The following NIN variants were observed in gnomAD, a reference collection of about 807,000 sequenced individuals.
NIN encodes ninein.
Under a neutral mutation model 257.6 loss-of-function variants are expected in NIN, and 137 were observed. The ratio of observed to expected loss-of-function variants is 0.53; its 90% CI spans 0.46 to 0.61. The LOEUF is 0.61. NIN is among the 20% of genes least tolerant of loss of function. The probability of loss-of-function intolerance (pLI) is 0.00; values close to 1 mark genes in which losing one functional copy is unlikely to be tolerated. For synonymous variants in NIN, 918 were observed against 919.8 expected, an observed-to-expected ratio of 1.00 and a Z score of 0.04; for missense variants, 2,439 against 2,501.2, an observed-to-expected ratio of 0.98 and a Z score of 0.53.
Position 50,740,352 on chromosome 14 carries a change from C to CTT in NIN, c.5449-867_5449-866dup, listed in dbSNP as rs58542931. Among the ~76,000 whole-genome samples the CTT allele has an allele frequency of 8.3e-3, 1,129 of 135,684 alleles. 14 individuals are homozygous for CTT. Among genetic ancestry groups the CTT allele is most frequent in the African/African-American group, 0.023 (851 of 36,368 alleles). 89.0% of individuals were successfully genotyped at this position (135,684 alleles called of 152,430 possible). A position where few individuals can be genotyped will look rare whatever the true frequency, so the allele number is the denominator to read the frequency against. ...TGGGCGCATGTACTACCACAGCTGG[C>CTT]TTTTTTTTTTTTTTGAGACAAAGTC... On this transcript the variant is annotated intron_variant, in intron 25 of 30. Transcript: ENST00000530997.
intron 7 of NIN, 62 bp downstream of exon 7, chr14:50,776,887 A>G: frequency 6.9e-7 from 1 of 1,446,004 alleles, no homozygotes; most frequent in East Asian, 2.3e-5. Flanking sequence ...AGCTGTTCCT[A>G]GCATGTGGTC....
chr14:50,781,303 G>A (rs570922588), intron 5 of NIN, among the ~76,000 whole-genome samples: 1 of 152,100 alleles, frequency 6.6e-6, no homozygotes, highest in Non-Finnish European at 1.5e-5. Flanking sequence ...GAAATGGCAG[G>A]AGAATATGTT....
chr14:50,747,234 G>A (rs2041586648), intron 22 of NIN, among the ~76,000 whole-genome samples: 1 of 152,152 alleles, frequency 6.6e-6, no homozygotes, highest in Non-Finnish European at 1.5e-5. Context: ...TCATGCTCTA[G>A]AACTGATGCC....
intron 28 of NIN, among the ~76,000 whole-genome samples, chr14:50,732,959 T>C (rs569205815): frequency 2.6e-5 from 4 of 151,828 alleles, no homozygotes; most frequent in South Asian, 4.2e-4. Context: ...TCCCAACACT[T>C]TGGGAGGCTG....
intron 4 of NIN, among the ~76,000 whole-genome samples, chr14:50,800,632 C>T (rs2044057054): frequency 6.6e-6 from 1 of 152,100 alleles, no homozygotes; most frequent in Non-Finnish European, 1.5e-5. Flanking sequence ...TGCCTATTAT[C>T]TTAGGTAATC....
chr14:50,754,269 T>A (rs1344030979), intron 20 of NIN, among the ~76,000 whole-genome samples: 1 of 152,222 alleles, frequency 6.6e-6, no homozygotes, highest in Non-Finnish European at 1.5e-5. Context: ...GCACAAGGGC[T>A]ACAGCTAATA....
intron 5 of NIN, among the ~76,000 whole-genome samples, chr14:50,780,872 C>T (rs1202072000): frequency 6.6e-6 from 1 of 152,186 alleles, no homozygotes; most frequent in East Asian, 1.9e-4. Context: ...ATTTCATCAG[C>T]TCACTCAGCC....
At chr14:50,740,352 C>CTTT (rs58542931) in intron 25 of NIN, among the ~76,000 whole-genome samples, 14 of 135,710 alleles carry the variant, frequency 1.0e-4, no homozygotes, top group African/African-American at 3.8e-4. Context: ...CCACAGCTGG[C>CTTT]TTTTTTTTTT....
At position 50,757,853 on chromosome 14, in the gene NIN, C is replaced by T. The variant is rs902548218; in HGVS notation, c.3177G>A (p.Leu1059=). The change falls in exon 18 of 31, where the codon CTG becomes CTA. Residue 1059 remains leucine, a synonymous_variant. Transcript: ENST00000530997. ...ALSLLQQGEQ[L]LEENGDVLLS... ...AGAGGACGTCCCCATTTTCTTCCAA[C>T]AGCTGCTCCCCTTGCTGAAGCAGGG... 6 of 1,614,162 alleles carry T rather than the reference C, an allele frequency of 3.7e-6. No individual in the cohort carries two copies. Among genetic ancestry groups the T allele is most frequent in the Middle Eastern group, 3.3e-4 (2 of 6,060 alleles).
At chr14:50,736,551 A>G (rs2040990498) in intron 27 of NIN, among the ~76,000 whole-genome samples, 1 of 152,234 alleles carries the variant, frequency 6.6e-6, no homozygotes, top group African/African-American at 2.4e-5. Flanking sequence ...TTTTGCTTCT[A>G]TCAAAAAGAG....
At chr14:50,741,763 A>G (rs2041295985) in intron 24 of NIN, 35 bp from the exon 25 acceptor site, 6 of 1,606,948 alleles carry the variant, frequency 3.7e-6, no homozygotes, top group Non-Finnish European at 5.1e-6. Context: ...CTGCTACACA[A>G]ACTCTTGTGG....
At chr14:50,792,015 T>C (rs2142020135) in intron 5 of NIN, 1 of 152,312 alleles carries the variant, frequency 6.6e-6, no homozygotes, top group African/African-American at 2.4e-5. Context: ...GGGATGCTGG[T>C]AAATGAGCCA....
rs1021650459 is a variant in NIN at position 50,794,407 on chromosome 14, C to T, written c.266-1526G>A. 4 of 714,964 alleles carry T rather than the reference C, an allele frequency of 5.6e-6. No individual in the cohort carries two copies. In the African/African-American group the frequency reaches 7.7e-5, roughly 14 times the overall value. The allele number at this position is 714,964 out of a possible 1,614,324, so 44.3% of individuals were successfully genotyped here. A position where few individuals can be genotyped will look rare whatever the true frequency, so the allele number is the denominator to read the frequency against. On this transcript the variant is annotated intron_variant, in intron 4 of 30. Coordinates refer to ENST00000530997, the MANE Select transcript of NIN (RefSeq NM_020921.4). Reference sequence around the variant, plus strand: ...AGTGTTTAAGCATACAAAATTTATACTGAAAATTGCATGCATATTTGAAGG... The same window carrying T: ...AGTGTTTAAGCATACAAAATTTATATTGAAAATTGCATGCATATTTGAAGG...
rs779594382 is a variant in NIN at position 50,729,685 on chromosome 14, G to T, written c.5916C>A (p.Ser1972=). The change falls in exon 29 of 31, where the codon TCC becomes TCA. Residue 1972 remains serine (S), a synonymous_variant. Coordinates refer to ENST00000530997, the MANE Select transcript of NIN (RefSeq NM_020921.4). ...GCAGCTGCAAATCCCAAGCATGAGG[G>T]GACGGGCTAGGCGTCGCAGTGGACC... ...HLRSTATPSP[S]PHAWDLQLLQ... 19 of 1,612,788 alleles carry T rather than the reference G, an allele frequency of 1.2e-5. No homozygotes were observed. The highest frequency in any genetic ancestry group is 1.5e-5 in the Non-Finnish European group (18 of 1,179,502).
chr14:50,763,285 T>C (rs1204923544), intron 15 of NIN, among the ~76,000 whole-genome samples: 3 of 151,950 alleles, frequency 2.0e-5, no homozygotes, highest in Non-Finnish European at 2.9e-5. Flanking sequence ...TCCCAAACTC[T>C]GCCTTCCAAA....
intron 4 of NIN, among the ~76,000 whole-genome samples, chr14:50,802,581 C>T (rs1400196932): frequency 6.6e-6 from 1 of 152,074 alleles, no homozygotes; most frequent in Non-Finnish European, 1.5e-5. Flanking sequence ...GGAAGAAGAA[C>T]TTTATAGTTT....
At chr14:50,792,628 C>A (rs1194138984) in intron 5 of NIN, 84 bp downstream of exon 5, 9 of 1,467,300 alleles carry the variant, frequency 6.1e-6, no homozygotes, top group Non-Finnish European at 7.5e-6. Flanking sequence ...GCCATCAACC[C>A]CCTCAGCTCC....
Position 50,754,797 on chromosome 14 carries a change from C to T in NIN, c.4609G>A (p.Asp1537Asn), listed in dbSNP as rs542965537. Residue 1537 changes from aspartate to asparagine, a missense_variant, in exon 19 of 31, where the codon GAT (aspartate) becomes AAT (asparagine). Physicochemically the swap from Asp to Asn is conservative, Grantham distance 23. Transcript: ENST00000530997. ...RNEITTLNEE[D>N]SISNLKLGTL... ...CCTAATTTCAGGTTAGAAATGCTAT[C>T]TTCTTCATTTAAAGTAGTAATTTCA... 1 of 1,581,468 alleles carries T rather than the reference C, an allele frequency of 6.3e-7. No individual in the cohort carries two copies. Among genetic ancestry groups the T allele is most frequent in the South Asian group, 1.2e-5 (1 of 86,084 alleles).
At chr14:50,787,988 C>T (rs2043417909) in intron 5 of NIN, among the ~76,000 whole-genome samples, 2 of 151,750 alleles carry the variant, frequency 1.3e-5, no homozygotes, top group Non-Finnish European at 2.9e-5. Flanking sequence ...GAAGGGATTT[C>T]CATCTGATAA....
Sources: allele counts gnomAD v4.1 joint callset (sites outside exome capture counted in the v4.1 genomes callset), GRCh38; gene constraint gnomAD v4.1.1; transcripts MANE v1.5; gene names NCBI Gene and HGNC (gene_info 2026-07-23, HGNC 2026-07-21).